The following EPHA5 variants were observed in gnomAD, a reference collection of about 807,000 sequenced individuals.
EPHA5 encodes the protein ephrin type-A receptor 5.
A neutral mutation model predicts 105.0 loss-of-function variants in EPHA5; 60 were observed. The observed-to-expected ratio is 0.57, with a 90% CI of 0.46 to 0.71. The LOEUF is 0.71. Among genes scored for constraint, EPHA5 ranks in the 30% least tolerant of loss-of-function variants. The pLI is 0.00. For missense variants in EPHA5, 1,218 were observed against 1,274.7 expected (o/e 0.96, Z 0.68); for synonymous variants, 513 against 449.1 (o/e 1.14, Z -1.80).
intron 3 of EPHA5, among the ~76,000 whole-genome samples, chr4:65,528,642 AGAGTT>A (rs1248684460): frequency 6.6e-6 from 1 of 152,182 alleles, no homozygotes; most frequent in Non-Finnish European, 1.5e-5. Context: ...ACAAATAGGT[AGAGTT>A]GAGATTACTT....
chr4:65,405,883 AT>A (rs576325111), intron 7 of EPHA5, among the ~76,000 whole-genome samples: 2 of 151,578 alleles, frequency 1.3e-5, no homozygotes, highest in Non-Finnish European at 2.9e-5. Context: ...TTCTACCACT[AT>A]TTTTTTTCTC....
At chr4:65,353,266 G>T (rs1042269396) in intron 11 of EPHA5, among the ~76,000 whole-genome samples, 163 bp from the exon 12 acceptor site, 23 of 99,108 alleles carry the variant, frequency 2.3e-4, no homozygotes, top group South Asian at 1.8e-3. Context: ...TTAAATGAAA[G>T]ATATTTAAAT....
At chr4:65,638,159 A>C (rs944908176) in intron 2 of EPHA5, among the ~76,000 whole-genome samples, 1 of 152,168 alleles carries the variant, frequency 6.6e-6, no homozygotes, top group African/African-American at 2.4e-5. Flanking sequence ...TTTTAATTGA[A>C]TATTCATACA....
At chr4:65,477,106 A>G (rs1460077412) in intron 5 of EPHA5, among the ~76,000 whole-genome samples, 2 of 152,220 alleles carry the variant, frequency 1.3e-5, no homozygotes, top group Non-Finnish European at 2.9e-5. Context: ...TTCCAGAAAA[A>G]TAGACAACAG....
chr4:65,564,151 A>G (rs1354899745), intron 3 of EPHA5, among the ~76,000 whole-genome samples: 1 of 151,886 alleles, frequency 6.6e-6, no homozygotes, highest in African/African-American at 2.4e-5. Context: ...GTATTTCTGT[A>G]TCACAAATAA....
chr4:65,656,763 C>A (rs1254902635), intron 1 of EPHA5, among the ~76,000 whole-genome samples: 2 of 150,914 alleles, frequency 1.3e-5, no homozygotes, highest in African/African-American at 4.9e-5. Context: ...TACAGGTGCA[C>A]GCCACCATGT....
At chr4:65,584,597 C>A (rs145034159) in intron 3 of EPHA5, among the ~76,000 whole-genome samples, 1 of 151,812 alleles carries the variant, frequency 6.6e-6, no homozygotes, top group Non-Finnish European at 1.5e-5. Context: ...AATGGAATAC[C>A]TATTAGAAAA....
At chr4:65,574,374 A>C in intron 3 of EPHA5, 1 of 880,274 alleles carries the variant, frequency 1.1e-6, no homozygotes, top group Non-Finnish European at 1.5e-6. Flanking sequence ...AAAAAAAATA[A>C]TAATAATAAA....
chr4:65,617,391 T>C (rs1345785536), intron 2 of EPHA5, among the ~76,000 whole-genome samples: 2 of 152,100 alleles, frequency 1.3e-5, no homozygotes, highest in Non-Finnish European at 2.9e-5. Flanking sequence ...GAACTGGATA[T>C]ATTTAATACC....
chr4:65,644,692 C>T (rs1176970426), intron 1 of EPHA5, among the ~76,000 whole-genome samples: 1 of 151,868 alleles, frequency 6.6e-6, no homozygotes, highest in East Asian at 1.9e-4. Context: ...TATTATTATG[C>T]ATCATTTATT....
chr4:65,546,024 A>C (rs1737337586), intron 3 of EPHA5, among the ~76,000 whole-genome samples: 1 of 152,010 alleles, frequency 6.6e-6, no homozygotes, highest in Non-Finnish European at 1.5e-5. Flanking sequence ...CTCGACTCTG[A>C]ATGGTACCTT....
At chr4:65,508,064 C>T (rs1348550124) in intron 3 of EPHA5, among the ~76,000 whole-genome samples, 3 of 151,916 alleles carry the variant, frequency 2.0e-5, no homozygotes, top group African/African-American at 7.3e-5. Flanking sequence ...CATGAAATAA[C>T]CTTATTTCAG....
chr4:65,441,614 G>C (rs1318680061), intron 5 of EPHA5, among the ~76,000 whole-genome samples: 1 of 152,052 alleles, frequency 6.6e-6, no homozygotes, highest in South Asian at 2.1e-4. Flanking sequence ...TGACCTAGAA[G>C]AACAAATTAT....
At chr4:65,478,540 T>G (rs896733550) in intron 5 of EPHA5, among the ~76,000 whole-genome samples, 25 of 152,184 alleles carry the variant, frequency 1.6e-4, no homozygotes, top group African/African-American at 5.3e-4. Flanking sequence ...GGCACAACTT[T>G]GGCTCACTCC....
chr4:65,561,380 TA>T (rs1462000306), intron 3 of EPHA5, among the ~76,000 whole-genome samples: 1 of 115,292 alleles, frequency 8.7e-6, no homozygotes, highest in East Asian at 4.0e-4. Flanking sequence ...GTCATAGGCA[TA>T]TAGGGTATCC....
At chr4:65,573,857 C>G in intron 3 of EPHA5, 1 of 1,613,162 alleles carries the variant, frequency 6.2e-7, no homozygotes, top group Non-Finnish European at 8.5e-7. Flanking sequence ...AAAAAAAACC[C>G]TTCAGTCAGC....
chr4:65,427,027 G>A (rs1284559451), intron 5 of EPHA5, among the ~76,000 whole-genome samples: 1 of 151,770 alleles, frequency 6.6e-6, no homozygotes, highest in Non-Finnish European at 1.5e-5. Context: ...TAGAAGTCAA[G>A]TGACTACCAC....
chr4:65,442,010 T>A (rs1434179104), intron 5 of EPHA5, among the ~76,000 whole-genome samples: 2 of 152,156 alleles, frequency 1.3e-5, no homozygotes, highest in Non-Finnish European at 2.9e-5. Context: ...AAGACTTAGA[T>A]GCTATTATTA....
At chr4:65,543,114 C>A (rs1049122679) in intron 3 of EPHA5, among the ~76,000 whole-genome samples, 1 of 152,022 alleles carries the variant, frequency 6.6e-6, no homozygotes. Context: ...CAGCCAATAT[C>A]ATACTGAATA....
Sources: allele counts gnomAD v4.1 joint callset (sites outside exome capture counted in the v4.1 genomes callset), GRCh38; gene constraint gnomAD v4.1.1; transcripts MANE v1.5; gene names NCBI Gene and HGNC (gene_info 2026-07-23, HGNC 2026-07-21).